The following GPHN variants were observed in gnomAD, a reference collection of about 807,000 sequenced individuals.
The protein encoded by GPHN is gephyrin.
GPHN carries 17 observed loss-of-function variants against 95.5 expected under a neutral mutation model. The observed-to-expected ratio is 0.18, with a 90% confidence interval of 0.12 to 0.27. The LOEUF (loss-of-function observed/expected upper bound fraction) is 0.27, where lower values mean the gene tolerates loss of function less well. Ranked by LOEUF, GPHN falls within the 10% of genes least tolerant of loss-of-function variation. The pLI, the probability that GPHN is intolerant of heterozygous loss-of-function variation, is 1.00. For missense variants in GPHN, 660 were observed against 978.1 expected (o/e 0.67, Z 4.34); for synonymous variants, 320 against 322.5 (o/e 0.99, Z 0.08).
chr14:67,237,860 C>T, the GPHN span, among the ~76,000 whole-genome samples: 24 of 152,186 alleles, frequency 1.6e-4, no homozygotes, highest in African/African-American at 5.5e-4. Context: ...CGAGGATGAA[C>T]AGCCCTTCTG....
At chr14:66,764,069 G>A (rs1315769315) in intron 2 of GPHN, among the ~76,000 whole-genome samples, 1 of 152,244 alleles carries the variant, frequency 6.6e-6, no homozygotes, top group Admixed American at 6.5e-5. Flanking sequence ...TATAATTATT[G>A]CATTATATAT....
At chr14:67,302,438 C>T in the GPHN span, 1 of 1,596,716 alleles carries the variant, frequency 6.3e-7, no homozygotes, top group South Asian at 1.1e-5. Context: ...GAAATGGACT[C>T]TGTCATCATT....
chr14:66,694,520 T>A lies in GPHN; in HGVS notation c.143+13335T>A, dbSNP rs1595579298. On this transcript the variant is annotated intron_variant, in intron 2 of 22. Transcript: ENST00000478722. ...GGAACACCTGGACATCTGCATGCTT[T>A]AAAAAATTGAATCTGGACGTAGACC... Among the ~76,000 whole-genome samples the A allele has an allele frequency of 2.0e-5, 3 of 152,292 alleles. No homozygotes were observed. In the East Asian group the frequency reaches 5.8e-4, roughly 29 times the overall value.
the GPHN span, chr14:67,647,017 G>A: frequency 6.2e-7 from 1 of 1,606,604 alleles, no homozygotes; most frequent in Non-Finnish European, 8.5e-7. Flanking sequence ...TTGATCTGCT[G>A]ATTGGCAAGT....
intron 1 of GPHN, among the ~76,000 whole-genome samples, chr14:66,573,123 C>T (rs1311679019): frequency 6.6e-6 from 1 of 152,076 alleles, no homozygotes; most frequent in Admixed American, 6.5e-5. Flanking sequence ...AACATATTAC[C>T]TATTATGGAA....
intron 1 of GPHN, among the ~76,000 whole-genome samples, chr14:66,538,327 T>G (rs1405046962): frequency 1.4e-5 from 2 of 148,128 alleles, no homozygotes; most frequent in African/African-American, 2.5e-5. Context: ...GGGTTAATGG[T>G]TTTTTTTTTA....
At chr14:67,038,325 A>T (rs1386202759) in intron 10 of GPHN, among the ~76,000 whole-genome samples, 1 of 152,052 alleles carries the variant, frequency 6.6e-6, no homozygotes, top group African/African-American at 2.4e-5. Flanking sequence ...TAGCCAATGG[A>T]TGTAAAGCTT....
the GPHN span, among the ~76,000 whole-genome samples, chr14:67,292,082 T>G: frequency 7.2e-5 from 11 of 152,186 alleles, no homozygotes; most frequent in Non-Finnish European, 1.5e-4. Context: ...AATTATGGTT[T>G]AGCCATGTAA....
the GPHN span, among the ~76,000 whole-genome samples, chr14:67,248,845 A>G: frequency 6.7e-6 from 1 of 150,290 alleles, no homozygotes; most frequent in East Asian, 1.9e-4. Flanking sequence ...TTTGAGATAG[A>G]GATGGGGTCT....
At chr14:67,199,660 G>T in the GPHN span, 2 of 1,578,588 alleles carry the variant, frequency 1.3e-6, no homozygotes, top group Non-Finnish European at 1.7e-6. Flanking sequence ...CTCAGAACCC[G>T]CTCTCCCAGC....
the GPHN span, among the ~76,000 whole-genome samples, chr14:67,420,943 T>C: frequency 2.0e-5 from 3 of 152,244 alleles, no homozygotes; most frequent in Non-Finnish European, 4.4e-5. Context: ...GATCTGATTC[T>C]GTCAGGCCTG....
chr14:67,111,756 T>C, intron 14 of GPHN, 105 bp from the exon 15 acceptor site: 2 of 840,760 alleles, frequency 2.4e-6, no homozygotes, highest in Non-Finnish European at 4.1e-6. Flanking sequence ...TTTTTGTCTA[T>C]ATTTGTATAT....
the GPHN span, chr14:67,447,979 G>T: frequency 6.6e-6 from 1 of 152,034 alleles, no homozygotes; most frequent in Non-Finnish European, 1.5e-5. Context: ...CAGGATCTTA[G>T]ATCCCTGAAT....
At chr14:67,577,518 A>G in the GPHN span, 1 of 753,526 alleles carries the variant, frequency 1.3e-6, no homozygotes, top group South Asian at 1.6e-5. Context: ...CTGGAGAGGA[A>G]GGGAAGGAAA....
intron 9 of GPHN, among the ~76,000 whole-genome samples, chr14:66,973,854 G>A (rs1483149246): frequency 1.3e-5 from 2 of 152,162 alleles, no homozygotes; most frequent in African/African-American, 2.4e-5. Context: ...TTTGAAATCA[G>A]TTTAGAACAT....
chr14:67,207,531 G>C, the GPHN span, among the ~76,000 whole-genome samples: 1 of 151,870 alleles, frequency 6.6e-6, no homozygotes, highest in Non-Finnish European at 1.5e-5. Context: ...ATTTTCAAGT[G>C]ACAAAACATC....
At chr14:66,882,715 T>G (rs1037589986) in intron 5 of GPHN, among the ~76,000 whole-genome samples, 4 of 151,754 alleles carry the variant, frequency 2.6e-5, no homozygotes, top group Non-Finnish European at 5.9e-5. Flanking sequence ...TCGTTAGAGT[T>G]TTTGTTTTTA....
At chr14:67,050,760 C>T (rs960540443) in intron 10 of GPHN, among the ~76,000 whole-genome samples, 3 of 150,994 alleles carry the variant, frequency 2.0e-5, no homozygotes, top group African/African-American at 7.3e-5. Context: ...AAATCCTATG[C>T]CAGCAACTTG....
At chr14:67,564,148 G>A in the GPHN span, among the ~76,000 whole-genome samples, 4 of 151,686 alleles carry the variant, frequency 2.6e-5, no homozygotes, top group East Asian at 3.9e-4. Context: ...TGATCCGCCC[G>A]CCTCAGCCTC....
Sources: allele counts gnomAD v4.1 joint callset (sites outside exome capture counted in the v4.1 genomes callset), GRCh38; gene constraint gnomAD v4.1.1; transcripts MANE v1.5; gene names NCBI Gene and HGNC (gene_info 2026-07-23, HGNC 2026-07-21).